Variants in CDK14 observed in about 807,000 individuals in gnomAD.
CDK14 encodes cyclin-dependent kinase 14.
CDK14 carries 34 observed loss-of-function variants against 60.7 expected under a neutral mutation model. The ratio of observed to expected loss-of-function variants is 0.56; its 90% CI spans 0.43 to 0.75. The LOEUF (loss-of-function observed/expected upper bound fraction) is 0.75, where lower values mean the gene tolerates loss of function less well. Among genes scored for constraint, CDK14 ranks in the 30% least tolerant of loss-of-function variants. The pLI is 0.00. For missense variants in CDK14, 482 were observed against 564.1 expected, an observed-to-expected ratio of 0.85 and a Z score of 1.47; for synonymous variants, 197 against 203.7, an observed-to-expected ratio of 0.97 and a Z score of 0.28.
chr7:90,849,128 C>T (rs780092412), intron 5 of CDK14, among the ~76,000 whole-genome samples: 3 of 152,130 alleles, frequency 2.0e-5, no homozygotes, highest in African/African-American at 2.4e-5. Flanking sequence ...GTCGTGGGGG[C>T]GGATCCCTCA....
intron 2 of CDK14, among the ~76,000 whole-genome samples, chr7:90,722,223 A>G (rs1802485694): frequency 7.0e-6 from 1 of 143,244 alleles, no homozygotes; most frequent in Admixed American, 7.4e-5. Context: ...ATAGGGTCTC[A>G]CTATGTTGCC....
intron 3 of CDK14, among the ~76,000 whole-genome samples, chr7:90,735,174 C>T (rs866955971): frequency 5.3e-5 from 8 of 152,178 alleles, no homozygotes; most frequent in African/African-American, 1.2e-4. Flanking sequence ...CCTGTTCCTT[C>T]GTCTGGAAGC....
chr7:90,951,019 TA>T (rs1164454066), intron 8 of CDK14, among the ~76,000 whole-genome samples: 2 of 152,324 alleles, frequency 1.3e-5, no homozygotes, highest in African/African-American at 2.4e-5. Context: ...AATATTCCAT[TA>T]AAAAATTATA....
At chr7:90,980,240 A>T (rs189684416) in intron 9 of CDK14, among the ~76,000 whole-genome samples, 1 of 152,330 alleles carries the variant, frequency 6.6e-6, no homozygotes, top group East Asian at 1.9e-4. Context: ...GAGTTTGAGC[A>T]TACTGCATCC....
chr7:91,157,155 A>G (rs1801008424), intron 14 of CDK14, among the ~76,000 whole-genome samples: 1 of 152,156 alleles, frequency 6.6e-6, no homozygotes, highest in African/African-American at 2.4e-5. Flanking sequence ...CTCTTTCTCT[A>G]TGAGAAGAAA....
At chr7:90,973,282 C>G (rs938739921) in intron 9 of CDK14, among the ~76,000 whole-genome samples, 1 of 152,064 alleles carries the variant, frequency 6.6e-6, no homozygotes, top group Non-Finnish European at 1.5e-5. Context: ...CAGGTCTCCC[C>G]CCACCATAAT....
intron 5 of CDK14, among the ~76,000 whole-genome samples, chr7:90,804,808 G>A (rs1213991510): frequency 6.6e-6 from 1 of 151,994 alleles, no homozygotes; most frequent in African/African-American, 2.4e-5. Context: ...AATATAAATT[G>A]AGATATGATA....
intron 5 of CDK14, among the ~76,000 whole-genome samples, chr7:90,853,885 G>A (rs1254438277): frequency 6.6e-6 from 1 of 152,162 alleles, no homozygotes; most frequent in African/African-American, 2.4e-5. Flanking sequence ...ACTTTGAGAA[G>A]CACTGCATGA....
In CDK14 at chr7:91,152,622, GT is replaced by G. The variant is rs1800856605; in HGVS notation, c.*28+34415del. Among the ~76,000 whole-genome samples the G allele has an allele frequency of 2.0e-5, 3 of 152,120 alleles. No homozygotes were observed. In the South Asian group the frequency reaches 6.2e-4, roughly 31 times the overall value. ...ATCTTTATTGAGTACTATGTGCTAT[GT>G]GCTGGGGCTGTAAAGCTTAGAAATA... On this transcript the variant is annotated intron_variant, in intron 14 of 14. Transcript: ENST00000380050.
chr7:91,204,003 G>T (rs763531724), intron 14 of CDK14, among the ~76,000 whole-genome samples: 2 of 152,164 alleles, frequency 1.3e-5, no homozygotes, highest in Non-Finnish European at 2.9e-5. Context: ...TTTTGCTAGG[G>T]TGGTGACTTC....
At chr7:90,690,605 C>T (rs1015156667) in intron 2 of CDK14, among the ~76,000 whole-genome samples, 6 of 151,988 alleles carry the variant, frequency 3.9e-5, no homozygotes, top group East Asian at 1.9e-4. Flanking sequence ...TTTAGAAGCA[C>T]GAAAGATTGT....
At chr7:90,733,657 G>A (rs1802963795) in intron 3 of CDK14, among the ~76,000 whole-genome samples, 1 of 151,994 alleles carries the variant, frequency 6.6e-6, no homozygotes, top group Non-Finnish European at 1.5e-5. Context: ...TTTCCGTTTG[G>A]TTGGTAAATA....
intron 10 of CDK14, among the ~76,000 whole-genome samples, chr7:91,008,578 A>G (rs1367102992): frequency 6.6e-6 from 1 of 152,120 alleles, no homozygotes; most frequent in Non-Finnish European, 1.5e-5. Flanking sequence ...AAAGCCTTTA[A>G]TATCAGAATC....
intron 8 of CDK14, among the ~76,000 whole-genome samples, chr7:90,932,022 C>T (rs561383104): frequency 6.6e-6 from 1 of 152,172 alleles, no homozygotes; most frequent in Non-Finnish European, 1.5e-5. Flanking sequence ...AAACTTTTCA[C>T]AAAATATAGT....
chr7:90,993,763 A>T (rs948723074), intron 10 of CDK14, among the ~76,000 whole-genome samples: 1 of 152,158 alleles, frequency 6.6e-6, no homozygotes, highest in Non-Finnish European at 1.5e-5. Flanking sequence ...TCTATTTTTT[A>T]TCTGAGACAT....
intron 8 of CDK14, among the ~76,000 whole-genome samples, chr7:90,918,227 T>C (rs1311890337): frequency 1.3e-5 from 2 of 152,202 alleles, no homozygotes; most frequent in Non-Finnish European, 2.9e-5. Flanking sequence ...TACATTGCCC[T>C]GAGGCTTTAA....
chr7:91,120,771 A>G (rs1166787104), intron 14 of CDK14, among the ~76,000 whole-genome samples: 1 of 152,128 alleles, frequency 6.6e-6, no homozygotes, highest in Non-Finnish European at 1.5e-5. Context: ...TCCTGACCTC[A>G]GTTGATCCAC....
chr7:91,040,083 C>T (rs564860482), intron 10 of CDK14, among the ~76,000 whole-genome samples: 1 of 152,122 alleles, frequency 6.6e-6, no homozygotes, highest in Non-Finnish European at 1.5e-5. Flanking sequence ...AATCCTATCT[C>T]GAAAAATAAA....
At chr7:90,805,510 TACCA>T (rs1788790781) in intron 5 of CDK14, among the ~76,000 whole-genome samples, 2 of 151,972 alleles carry the variant, frequency 1.3e-5, no homozygotes, top group Non-Finnish European at 2.9e-5. Flanking sequence ...TAGAATACAA[TACCA>T]CTTATAATCA....
Sources: gnomAD v4.1 joint callset for allele counts (sites outside exome capture counted in the v4.1 genomes callset) on GRCh38, gnomAD v4.1.1 for gene constraint, MANE v1.5 for transcripts, NCBI Gene and HGNC (gene_info 2026-07-23, HGNC 2026-07-21) for gene names.